The following GATAD2A variants were observed in gnomAD, a reference collection of about 807,000 sequenced individuals.
The protein encoded by GATAD2A is GATA zinc finger domain containing 2A.
Under a neutral mutation model 68.5 loss-of-function variants are expected in GATAD2A, and 12 were observed. The ratio of observed to expected loss-of-function variants is 0.18; its 90% CI spans 0.11 to 0.28. GATAD2A has a LOEUF of 0.28. GATAD2A is among the 10% of genes least tolerant of loss of function. The pLI is 1.00. For synonymous variants in GATAD2A, 410 were observed against 375.3 expected (o/e 1.09, Z -1.07); for missense variants, 755 against 868.5 (o/e 0.87, Z 1.64).
intron 1 of GATAD2A, among the ~76,000 whole-genome samples, chr19:19,454,853 G>A (rs1337489844): frequency 3.3e-5 from 5 of 151,988 alleles, no homozygotes; most frequent in Non-Finnish European, 5.9e-5. Flanking sequence ...GAGGACCGTC[G>A]AGGTGTAACA....
intron 1 of GATAD2A, among the ~76,000 whole-genome samples, chr19:19,420,512 T>C (rs1175446565): frequency 2.7e-5 from 4 of 147,112 alleles, no homozygotes; most frequent in Non-Finnish European, 4.5e-5. Context: ...TTTTTTTTTT[T>C]GGTATTTTTA....
rs769118117 is a variant in GATAD2A at position 19,498,594 on chromosome 19, C to T, written c.1076C>T (p.Thr359Met). ...GCGCTGCGCAAACAGCTGGAGAAGA[C>T]GCTACTCGAGATCCCCCCACCCAAG... ...KLALRKQLEK[T>M]LLEIPPPKPP... The change falls in exon 8 of 12, where the codon ACG becomes ATG. Residue 359 changes from threonine (T) to methionine (M), a missense_variant. Transcript: ENST00000683918. 14 of 1,613,740 alleles carry T rather than the reference C, an allele frequency of 8.7e-6. No homozygotes were observed. The highest frequency in any genetic ancestry group is 5.3e-5 in the African/African-American group (4 of 74,944).
At chr19:19,456,439 A>G (rs4808957) in intron 1 of GATAD2A, among the ~76,000 whole-genome samples, 65,547 of 151,956 alleles carry the variant, frequency 0.43, 15,549 homozygotes, top group African/African-American at 0.63. Context: ...CAACATTTGT[A>G]TATTTCTTAG....
intron 5 of GATAD2A, 83 bp downstream of exon 5, chr19:19,494,466 C>A: frequency 1.2e-6 from 1 of 845,882 alleles, no homozygotes; most frequent in Non-Finnish European, 2.0e-6. Context: ...CCCAAACAGC[C>A]CTGGCCCAGG....
chr19:19,488,483 C>CCGG (rs2059586125), intron 2 of GATAD2A, among the ~76,000 whole-genome samples: 1 of 152,244 alleles, frequency 6.6e-6, no homozygotes, highest in East Asian at 1.9e-4. Context: ...CAGCTCCTTC[C>CCGG]CGGCACTGGC....
At chr19:19,423,851 C>T (rs568561252) in intron 1 of GATAD2A, among the ~76,000 whole-genome samples, 1 of 152,086 alleles carries the variant, frequency 6.6e-6, no homozygotes, top group African/African-American at 2.4e-5. Flanking sequence ...GACCTTGCTG[C>T]TTGGCCAGTT....
At chr19:19,426,919 C>T (rs1307416069) in intron 1 of GATAD2A, among the ~76,000 whole-genome samples, 1 of 152,170 alleles carries the variant, frequency 6.6e-6, no homozygotes, top group African/African-American at 2.4e-5. Flanking sequence ...GTTTCAGAAC[C>T]ATGCTTTGTT....
chr19:19,447,085 G>A (rs1346855915), intron 1 of GATAD2A, among the ~76,000 whole-genome samples: 1 of 152,176 alleles, frequency 6.6e-6, no homozygotes, highest in African/African-American at 2.4e-5. Flanking sequence ...TTGATATCCT[G>A]GGGGTGGAAG....
chr19:19,503,670 G>A (rs2060694616), intron 11 of GATAD2A, among the ~76,000 whole-genome samples: 1 of 151,814 alleles, frequency 6.6e-6, no homozygotes, highest in Admixed American at 6.6e-5. Flanking sequence ...GTGTGTGTGT[G>A]TGTTTAAAGT....
intron 1 of GATAD2A, chr19:19,441,585 G>A (rs1325357021): frequency 4.5e-5 from 7 of 155,926 alleles, no homozygotes; most frequent in Non-Finnish European, 8.6e-5. Flanking sequence ...GTTTTAAGAC[G>A]GAGTCTCGCT....
intron 1 of GATAD2A, among the ~76,000 whole-genome samples, chr19:19,456,170 AAG>A (rs981592077): frequency 1.3e-4 from 17 of 130,814 alleles, no homozygotes; most frequent in South Asian, 4.2e-4. Flanking sequence ...AAAAAAAAAA[AAG>A]AGAGAAAAAG....
rs12232861 is a variant in GATAD2A at position 19,386,576 on chromosome 19, C to T, written c.-7+438C>T. Among the ~76,000 whole-genome samples the T allele has an allele frequency of 2.0e-5, 3 of 151,890 alleles. No homozygotes were observed. The East Asian group carries it at 5.8e-4, about 30-fold the overall frequency. On this transcript the variant is annotated intron_variant, in intron 1 of 11. Coordinates refer to the GATAD2A transcript ENST00000360315. ...AGGGGACCCCGCTTCTCTAGGGGAA[C>T]GCTGCCTCTCTAGAGGATCCGTGCC...
chr19:19,469,442 A>AAAAAAAAG (rs1909847266), intron 2 of GATAD2A, among the ~76,000 whole-genome samples: 2 of 150,492 alleles, frequency 1.3e-5, no homozygotes, highest in African/African-American at 4.9e-5. Context: ...AAAAAAAAAG[A>AAAAAAAAG]AAAAAAGATC....
chr19:19,407,549 A>G (rs1410829947), intron 1 of GATAD2A, among the ~76,000 whole-genome samples: 1 of 152,214 alleles, frequency 6.6e-6, no homozygotes, highest in African/African-American at 2.4e-5. Flanking sequence ...TCTAGAGCCC[A>G]CAAATGCTGC....
chr19:19,388,003 T>C (rs533346979), intron 1 of GATAD2A, among the ~76,000 whole-genome samples: 1 of 152,200 alleles, frequency 6.6e-6, no homozygotes, highest in South Asian at 2.1e-4. Flanking sequence ...CTCTTGATTT[T>C]CTAAGGGAGA....
chr19:19,470,568 T>C (rs1389968615), intron 2 of GATAD2A, among the ~76,000 whole-genome samples: 2 of 152,218 alleles, frequency 1.3e-5, no homozygotes, highest in East Asian at 3.8e-4. Flanking sequence ...CTCTCAATAA[T>C]TGGTAGAACA....
intron 1 of GATAD2A, among the ~76,000 whole-genome samples, chr19:19,441,150 C>G (rs1274408749): frequency 1.3e-5 from 2 of 151,352 alleles, no homozygotes; most frequent in South Asian, 2.1e-4. Context: ...TCAAGTGATT[C>G]TCCTGCTTCA....
At chr19:19,417,782 G>A (rs1052974175) in intron 1 of GATAD2A, among the ~76,000 whole-genome samples, 4 of 152,192 alleles carry the variant, frequency 2.6e-5, no homozygotes, top group Middle Eastern at 3.2e-3. Flanking sequence ...GGAATAAAAA[G>A]CAGGGACAGG....
upstream of GATAD2A, among the ~76,000 whole-genome samples, chr19:19,403,129 A>G (rs1568698099): frequency 6.6e-6 from 1 of 152,140 alleles, no homozygotes; most frequent in Admixed American, 6.5e-5. Flanking sequence ...TTTAGAAAAC[A>G]TGGTTCTAGC....
Sources: allele counts gnomAD v4.1 joint callset (sites outside exome capture counted in the v4.1 genomes callset), GRCh38; gene constraint gnomAD v4.1.1; transcripts MANE v1.5; gene names NCBI Gene and HGNC (gene_info 2026-07-23, HGNC 2026-07-21).